Variants in FRMD4A observed in about 807,000 individuals in gnomAD.
The protein encoded by FRMD4A is FERM domain-containing protein 4A.
In FRMD4A, 29 loss-of-function variants were observed where a neutral mutation model predicts 129.1. That is an observed-to-expected ratio of 0.22 (90% CI 0.17 to 0.31). The LOEUF is 0.31. FRMD4A is among the 10% of genes least tolerant of loss of function. FRMD4A has a pLI of 1.00. For missense variants in FRMD4A, 1,272 were observed against 1,375.8 expected (o/e 0.92, Z 1.19); for synonymous variants, 634 against 571.6 (o/e 1.11, Z -1.56).
chr10:13,852,448 C>T (rs2094152752), intron 3 of FRMD4A, among the ~76,000 whole-genome samples: 1 of 152,068 alleles, frequency 6.6e-6, no homozygotes. Flanking sequence ...TGGTCTTGAT[C>T]TCCTGACCTC....
intron 24 of FRMD4A, chr10:13,651,039 C>CAGTT (rs1298600727): frequency 6.6e-6 from 1 of 152,220 alleles, no homozygotes; most frequent in Non-Finnish European, 1.5e-5. Flanking sequence ...CCTTGTGTCC[C>CAGTT]AGTTAGACTG....
chr10:14,316,524 A>AAAAAT (rs556192567), intron 2 of FRMD4A, among the ~76,000 whole-genome samples: 2 of 132,660 alleles, frequency 1.5e-5, no homozygotes, highest in South Asian at 2.5e-4. Flanking sequence ...AAAAAAAAAA[A>AAAAAT]AAGAAGAAGA....
At chr10:14,063,542 T>A (rs777223945) in intron 2 of FRMD4A, among the ~76,000 whole-genome samples, 1 of 119,080 alleles carries the variant, frequency 8.4e-6, no homozygotes, top group Admixed American at 1.0e-4. Context: ...AGTTCTTACA[T>A]TATTTTACCT....
intron 2 of FRMD4A, among the ~76,000 whole-genome samples, chr10:14,056,036 G>A (rs780645710): frequency 6.6e-6 from 1 of 151,998 alleles, no homozygotes; most frequent in Non-Finnish European, 1.5e-5. Flanking sequence ...CTGGGTTCAC[G>A]TCATTCTTTT....
intron 2 of FRMD4A, among the ~76,000 whole-genome samples, chr10:14,016,191 C>T (rs748889626): frequency 5.3e-5 from 8 of 151,846 alleles, no homozygotes; most frequent in Non-Finnish European, 1.2e-4. Context: ...GGGAGGAAAA[C>T]GCAGCCTGTG....
chr10:14,191,986 T>C (rs1353702206), intron 2 of FRMD4A, among the ~76,000 whole-genome samples: 1 of 152,158 alleles, frequency 6.6e-6, no homozygotes, highest in Non-Finnish European at 1.5e-5. Flanking sequence ...ACATCCCCGG[T>C]TGACATTTCA....
intron 2 of FRMD4A, among the ~76,000 whole-genome samples, chr10:14,119,894 T>C (rs138002718): frequency 6.6e-6 from 1 of 152,266 alleles, no homozygotes; most frequent in Non-Finnish European, 1.5e-5. Flanking sequence ...AGGTGACAGC[T>C]GTTCCAGGAC....
chr10:13,657,803 T>TTTTTTTTTTTA (rs1554826507), intron 21 of FRMD4A, among the ~76,000 whole-genome samples: 1 of 150,692 alleles, frequency 6.6e-6, no homozygotes, highest in African/African-American at 2.4e-5. Flanking sequence ...TTTTTTTTTT[T>TTTTTTTTTTTA]AAATAATTCT....
chr10:13,753,541 ATTTTTTTTT>A (rs35813128), intron 8 of FRMD4A, among the ~76,000 whole-genome samples: 1 of 115,308 alleles, frequency 8.7e-6, no homozygotes, highest in Non-Finnish European at 1.7e-5. Flanking sequence ...GTACCTTTCT[ATTTTTTTTT>A]TTTTTTTTTT....
At chr10:14,207,651 G>A (rs1842822898) in intron 2 of FRMD4A, among the ~76,000 whole-genome samples, 1 of 150,954 alleles carries the variant, frequency 6.6e-6, no homozygotes, top group Non-Finnish European at 1.5e-5. Context: ...ACACTAGCAG[G>A]ACAGCTATAA....
intron 2 of FRMD4A, among the ~76,000 whole-genome samples, chr10:14,174,284 G>GCTCTCTCTCCTCC (rs775419384): frequency 1.4e-4 from 21 of 151,886 alleles, no homozygotes; most frequent in Middle Eastern, 3.4e-3. Context: ...CCTCTCCCGC[G>GCTCTCTCTCCTCC]CTCTCTCTCC....
Position 13,982,429 on chromosome 10 carries a change from G to A in FRMD4A, c.46-123517C>T, listed in dbSNP as rs142545570. ...GCCCAGGAGGTCAAGGCTACAGTAAGCTGTGATTTCACCACTGTACTTCAG... is the reference window on the plus strand; with the variant it reads ...GCCCAGGAGGTCAAGGCTACAGTAAACTGTGATTTCACCACTGTACTTCAG... On this transcript the variant is annotated intron_variant, in intron 2 of 24. Coordinates refer to ENST00000357447, the MANE Select transcript of FRMD4A (RefSeq NM_018027.5). Among the ~76,000 whole-genome samples, 811 of 141,592 alleles carry A rather than the reference G, an allele frequency of 5.7e-3. 12 individuals are homozygous for A. Among genetic ancestry groups the A allele is most frequent in the African/African-American group, 0.019 (750 of 38,774 alleles). 92.9% of individuals were successfully genotyped at this position (141,592 alleles called of 152,430 possible).
intron 2 of FRMD4A, chr10:14,326,184 C>T (rs1239786953): frequency 6.6e-6 from 1 of 152,080 alleles, no homozygotes; most frequent in East Asian, 1.9e-4. Flanking sequence ...CTTGTGGTAT[C>T]CCTTTTTTAT....
At chr10:13,859,605 A>G (rs1278192050) in intron 2 of FRMD4A, among the ~76,000 whole-genome samples, 1 of 152,224 alleles carries the variant, frequency 6.6e-6, no homozygotes, top group Admixed American at 6.5e-5. Flanking sequence ...TTGTACCCGC[A>G]TGCATTAGGG....
chr10:14,261,867 T>C (rs903187279), intron 2 of FRMD4A, among the ~76,000 whole-genome samples: 2 of 151,838 alleles, frequency 1.3e-5, no homozygotes, highest in Admixed American at 1.3e-4. Context: ...CCAATCTGTG[T>C]CTAAAACGTA....
intron 2 of FRMD4A, among the ~76,000 whole-genome samples, chr10:14,049,764 A>C (rs1450837398): frequency 6.6e-6 from 1 of 152,178 alleles, no homozygotes; most frequent in Non-Finnish European, 1.5e-5. Flanking sequence ...CTGAGGCAGG[A>C]GAATCGCTTG....
At chr10:14,086,699 G>A (rs1349726560) in intron 2 of FRMD4A, among the ~76,000 whole-genome samples, 2 of 152,122 alleles carry the variant, frequency 1.3e-5, no homozygotes, top group African/African-American at 4.8e-5. Flanking sequence ...AATCTCTTAT[G>A]AGAGCTTACT....
chr10:14,139,748 C>A (rs907243717), intron 2 of FRMD4A, among the ~76,000 whole-genome samples: 30 of 152,180 alleles, frequency 2.0e-4, no homozygotes, highest in African/African-American at 7.2e-4. Context: ...CAGAACCTGG[C>A]CAAATATGTT....
At chr10:13,701,245 A>AGGGACATG in intron 14 of FRMD4A, 95 bp downstream of exon 14, 1 of 1,151,580 alleles carries the variant, frequency 8.7e-7, no homozygotes, top group Admixed American at 1.9e-5. Context: ...GACCCGGGCA[A>AGGGACATG]GGGACATGGC....
Sources: gnomAD v4.1 joint callset for allele counts (sites outside exome capture counted in the v4.1 genomes callset) on GRCh38, gnomAD v4.1.1 for gene constraint, MANE v1.5 for transcripts, NCBI Gene and HGNC (gene_info 2026-07-23, HGNC 2026-07-21) for gene names.